Variants in ADAMTS18 observed in about 807,000 individuals in gnomAD.
ADAMTS18 encodes the protein A disintegrin and metalloproteinase with thrombospondin motifs 18.
ADAMTS18 carries 157 observed loss-of-function variants against 165.9 expected under a neutral mutation model. The observed-to-expected ratio is 0.95, with a 90% CI of 0.83 to 1.08. The LOEUF (loss-of-function observed/expected upper bound fraction) is 1.08, where lower values mean the gene tolerates loss of function less well. Among genes scored for constraint, ADAMTS18 ranks in the 50% least tolerant of loss-of-function variants. ADAMTS18 has a pLI of 0.00. For synonymous variants in ADAMTS18, 782 were observed against 578.2 expected, an observed-to-expected ratio of 1.35 and a Z score of -5.06; for missense variants, 2,040 against 1,534.0, an observed-to-expected ratio of 1.33 and a Z score of -5.51.
At chr16:77,308,466 A>T (rs1174207678) in intron 16 of ADAMTS18, among the ~76,000 whole-genome samples, 1 of 143,758 alleles carries the variant, frequency 7.0e-6, no homozygotes, top group Non-Finnish European at 1.5e-5. Context: ...GAAAGATTGA[A>T]ATGGGGGAAA....
intron 16 of ADAMTS18, among the ~76,000 whole-genome samples, chr16:77,314,647 GTGTA>G (rs2055848358): frequency 1.7e-5 from 2 of 118,364 alleles, no homozygotes; most frequent in Non-Finnish European, 3.3e-5. Flanking sequence ...GTGTGTGTGT[GTGTA>G]TATATATATA....
intron 11 of ADAMTS18, among the ~76,000 whole-genome samples, chr16:77,337,927 A>G (rs1167854341): frequency 1.4e-5 from 2 of 144,262 alleles, no homozygotes; most frequent in East Asian, 3.9e-4. Flanking sequence ...TTTTTTGACA[A>G]AGTTTCACTC....
At chr16:77,409,454 A>C (rs569905560) in intron 3 of ADAMTS18, among the ~76,000 whole-genome samples, 103 of 152,350 alleles carry the variant, frequency 6.8e-4, no homozygotes, top group Non-Finnish European at 1.3e-3. Flanking sequence ...GAGAATAACA[A>C]AAAACTGTTC....
In ADAMTS18 at chr16:77,394,036, C is replaced by T. The variant is rs140517441; in HGVS notation, c.496-26313G>A. ...TTTGATTCAAGTTAACAGGGCATTACATGATTGATGACGATTTTATTTGTT... is the reference window on the plus strand; with the variant it reads ...TTTGATTCAAGTTAACAGGGCATTATATGATTGATGACGATTTTATTTGTT... On this transcript the variant is annotated intron_variant, in intron 3 of 22. Coordinates refer to ENST00000282849, the MANE Select transcript of ADAMTS18 (RefSeq NM_199355.4). Among the ~76,000 whole-genome samples, 200 of 152,316 alleles carry T rather than the reference C, an allele frequency of 1.3e-3. 2 individuals are homozygous for T. Among genetic ancestry groups the T allele is most frequent in the African/African-American group, 4.2e-3 (174 of 41,570 alleles).
chr16:77,426,992 T>C (rs867688966), intron 3 of ADAMTS18, among the ~76,000 whole-genome samples: 1 of 152,176 alleles, frequency 6.6e-6, no homozygotes, highest in Non-Finnish European at 1.5e-5. Context: ...CAAGCCCAGA[T>C]GACAGAGTAA....
chr16:77,289,930 A>G lies in ADAMTS18; in HGVS notation c.3403-519T>C, dbSNP rs1567454298. Among the ~76,000 whole-genome samples, 2 of 152,214 alleles carry G rather than the reference A, an allele frequency of 1.3e-5. 1 individual carries two copies. The highest frequency in any genetic ancestry group is 4.1e-4 in the South Asian group (2 of 4,830). On this transcript the variant is annotated intron_variant, in intron 21 of 22. Transcript: ENST00000282849. Reference sequence around the variant, plus strand: ...TTAGGAGTCGCTGATTTCAGTGTGCAATTAAAAATTTTCAAAAGTAGACAA... The same window carrying G: ...TTAGGAGTCGCTGATTTCAGTGTGCGATTAAAAATTTTCAAAAGTAGACAA...
intron 3 of ADAMTS18, among the ~76,000 whole-genome samples, chr16:77,402,422 G>C (rs779222644): frequency 6.6e-6 from 1 of 152,152 alleles, no homozygotes; most frequent in Non-Finnish European, 1.5e-5. Flanking sequence ...TTCTACGTGT[G>C]TTAGGTTCTA....
rs1002180893 is a variant in ADAMTS18, at chr16:77,292,960, C to T, written c.3189+116G>A. ...TCAGCCTCCCCAGTAGATCAGACTA[C>T]AGGCGCCTGCCACCTTGCCTGGCTA... On this transcript the variant is annotated intron_variant, in intron 20 of 22. Transcript: ENST00000282849. The T allele has an allele frequency of 2.8e-5, 36 of 1,292,986 alleles. No homozygotes were observed. In the Admixed American group the frequency reaches 5.5e-4, roughly 20 times the overall value. 80.1% of individuals were successfully genotyped at this position (1,292,986 alleles called of 1,614,324 possible).
chr16:77,434,659 C>T lies in ADAMTS18; in HGVS notation c.37G>A (p.Ala13Thr), dbSNP rs751818903. 3 of 1,479,430 alleles carry T rather than the reference C, an allele frequency of 2.0e-6. No homozygotes were observed. Among genetic ancestry groups the T allele is most frequent in the Non-Finnish European group, 1.8e-6 (2 of 1,122,044 alleles). 91.6% of individuals were successfully genotyped at this position (1,479,430 alleles called of 1,614,324 possible). ...CCCCTCGGCGGGCCCGAACCCGCAGCCGGGAAGGCACACGCGAGCAGGAGG... is the reference window on the plus strand; with the variant it reads ...CCCCTCGGCGGGCCCGAACCCGCAGTCGGGAAGGCACACGCGAGCAGGAGG... ...CALLLACAFP[A>T]AGSGPPRGLA... The change falls in exon 1 of 23, where the codon GCT (alanine) becomes ACT (threonine). Residue 13 changes from alanine (A) to threonine (T), a missense_variant. Transcript: ENST00000282849.
chr16:77,364,019 A>G (rs947474086), intron 5 of ADAMTS18, 134 bp from the exon 6 acceptor site: 6 of 1,251,920 alleles, frequency 4.8e-6, no homozygotes, highest in Non-Finnish European at 6.8e-6. Flanking sequence ...AATTTCCTCA[A>G]AACTCAACTT....
intron 3 of ADAMTS18, among the ~76,000 whole-genome samples, chr16:77,384,854 T>A (rs1201862257): frequency 6.6e-6 from 1 of 152,102 alleles, no homozygotes; most frequent in African/African-American, 2.4e-5. Flanking sequence ...ACATTTCATA[T>A]ATAGTTATCA....
At chr16:77,286,740 C>CTTAACTTAA (rs2055259433) in intron 22 of ADAMTS18, among the ~76,000 whole-genome samples, 1 of 152,104 alleles carries the variant, frequency 6.6e-6, no homozygotes, top group African/African-American at 2.4e-5. Flanking sequence ...CCTGCTCATC[C>CTTAACTTAA]TTAACTTAAT....
intron 3 of ADAMTS18, among the ~76,000 whole-genome samples, chr16:77,400,474 G>C (rs1007914412): frequency 5.0e-5 from 6 of 119,086 alleles, no homozygotes; most frequent in Admixed American, 8.1e-5. Flanking sequence ...GTGTGTGTGT[G>C]TGTGTGTTTT....
In ADAMTS18 at chr16:77,289,301, G is replaced by A; in HGVS notation, c.3513C>T (p.Ala1171=). The change falls in exon 22 of 23, where the codon GCC becomes GCT. Residue 1171 remains alanine, a synonymous_variant. Coordinates refer to ENST00000282849, the MANE Select transcript of ADAMTS18 (RefSeq NM_199355.4). Reference sequence around the variant, plus strand: ...GAGCTGGACAGAAGTTTGTATTACAGGCTCGTAGCACCGGAGGTTTCTGAT... The same window carrying A: ...GAGCTGGACAGAAGTTTGTATTACAAGCTCGTAGCACCGGAGGTTTCTGAT... ...LLHQKPPVLR[A]CNTNFCPAPE... is the part of the protein sequence containing the mutation. 6.2e-7 allele frequency: 1 copy of A among 1,614,124 alleles called. No homozygotes were observed. The highest frequency in any genetic ancestry group is 8.5e-7 in the Non-Finnish European group (1 of 1,180,004).
chr16:77,335,836 G>A lies in ADAMTS18; in HGVS notation c.1779C>T (p.Ser593=), dbSNP rs559246837. The A allele has an allele frequency of 1.2e-5, 20 of 1,614,038 alleles. No individual in the cohort carries two copies. Among genetic ancestry groups the A allele is most frequent in the South Asian group, 2.2e-5 (2 of 91,082 alleles). ...LGPRPIHGQW[S]AWSKWSECSR... Reference sequence around the variant, plus strand: ...AACATTCTGACCACTTCGACCAGGCGGACCACTGGCCGTGGATGGGCCGGG... The same window carrying A: ...AACATTCTGACCACTTCGACCAGGCAGACCACTGGCCGTGGATGGGCCGGG... The change falls in exon 12 of 23, where the codon TCC becomes TCT. Residue 593 remains serine, a synonymous_variant. Transcript: ENST00000282849.
intron 3 of ADAMTS18, among the ~76,000 whole-genome samples, chr16:77,384,407 C>G (rs2057076431): frequency 1.3e-5 from 2 of 152,132 alleles, no homozygotes; most frequent in Admixed American, 1.3e-4. Flanking sequence ...CCTGGCAAAG[C>G]AGAGTTGATG....
chr16:77,306,771 C>T (rs897265240), intron 16 of ADAMTS18, among the ~76,000 whole-genome samples: 5 of 152,106 alleles, frequency 3.3e-5, no homozygotes, highest in African/African-American at 7.2e-5. Flanking sequence ...AAATTGATAA[C>T]GACATTAAGA....
At chr16:77,310,490 T>G (rs1019654694) in intron 16 of ADAMTS18, among the ~76,000 whole-genome samples, 3 of 152,216 alleles carry the variant, frequency 2.0e-5, no homozygotes, top group Non-Finnish European at 1.5e-5. Context: ...GCAACCTATA[T>G]CCCAGCTATT....
chr16:77,387,436 G>A (rs565396002), intron 3 of ADAMTS18, among the ~76,000 whole-genome samples: 7 of 152,150 alleles, frequency 4.6e-5, no homozygotes, highest in Non-Finnish European at 1.0e-4. Context: ...ACCAATAAAA[G>A]CAGATAACCA....
Sources: allele counts gnomAD v4.1 joint callset (sites outside exome capture counted in the v4.1 genomes callset), GRCh38; gene constraint gnomAD v4.1.1; transcripts MANE v1.5; gene names NCBI Gene and HGNC (gene_info 2026-07-23, HGNC 2026-07-21).